Variants in R3HDM1 observed in about 807,000 individuals in gnomAD.
The protein encoded by R3HDM1 is R3H domain containing 1.
R3HDM1 carries 46 observed loss-of-function variants against 141.1 expected under a neutral mutation model. That is an observed-to-expected ratio of 0.33 (90% CI 0.26 to 0.42). The LOEUF (loss-of-function observed/expected upper bound fraction) is 0.42. Among genes scored for constraint, R3HDM1 ranks in the 10% least tolerant of loss-of-function variants. R3HDM1 has a pLI of 1.00. For synonymous variants in R3HDM1, 435 were observed against 472.9 expected (o/e 0.92, Z 1.04); for missense variants, 1,184 against 1,368.3 (o/e 0.87, Z 2.12).
intron 18 of R3HDM1, among the ~76,000 whole-genome samples, chr2:135,656,151 TTCTCTG>T (rs2065863252): frequency 6.6e-6 from 1 of 152,042 alleles, no homozygotes; most frequent in Non-Finnish European, 1.5e-5. Context: ...ACATACATTT[TTCTCTG>T]TCTCTAATAG....
At chr2:135,538,378 C>A (rs1324432186) in intron 1 of R3HDM1, among the ~76,000 whole-genome samples, 1 of 152,030 alleles carries the variant, frequency 6.6e-6, no homozygotes, top group Admixed American at 6.5e-5. Flanking sequence ...TAATTGTACA[C>A]CATTGTAAAC....
At chr2:135,595,452 ACT>A (rs934900439) in intron 1 of R3HDM1, among the ~76,000 whole-genome samples, 100 of 152,156 alleles carry the variant, frequency 6.6e-4, no homozygotes, top group African/African-American at 2.3e-3. Flanking sequence ...TCATATCTTA[ACT>A]CTACCCCTTA....
intron 19 of R3HDM1, among the ~76,000 whole-genome samples, chr2:135,672,265 C>G (rs920607863): frequency 6.6e-6 from 1 of 152,164 alleles, no homozygotes; most frequent in Admixed American, 6.5e-5. Context: ...TCTAGAACTT[C>G]CTGGTAGTTC....
At chr2:135,591,860 A>G (rs1709355313) in intron 1 of R3HDM1, among the ~76,000 whole-genome samples, 1 of 152,222 alleles carries the variant, frequency 6.6e-6, no homozygotes, top group Non-Finnish European at 1.5e-5. Flanking sequence ...ACACAGGGTA[A>G]GGTCTAGGTG....
chr2:135,621,768 AAC>A, intron 6 of R3HDM1, 160 bp downstream of exon 6: 17 of 973,416 alleles, frequency 1.7e-5, no homozygotes, highest in Non-Finnish European at 2.0e-5. Flanking sequence ...AAAATGGTTT[AAC>A]ACAGTTCCAT....
intron 21 of R3HDM1, among the ~76,000 whole-genome samples, chr2:135,707,531 A>G (rs527947081): frequency 6.6e-6 from 1 of 152,340 alleles, no homozygotes; most frequent in Admixed American, 6.5e-5. Context: ...TTTGTAATTT[A>G]GTAGAGTATG....
chr2:135,531,696 C>T, intron 1 of R3HDM1, 63 bp downstream of exon 1: 1 of 986,182 alleles, frequency 1.0e-6, no homozygotes, highest in Non-Finnish European at 1.2e-6. Flanking sequence ...GCTCCCCTCC[C>T]CCGCCCGCCA....
In R3HDM1 at chr2:135,622,724, C is replaced by A; in HGVS notation, c.489C>A (p.Asn163Lys). The A allele has an allele frequency of 1.3e-6, 2 of 1,581,550 alleles. No homozygotes were observed. The highest frequency in any genetic ancestry group is 1.7e-6 in the Non-Finnish European group (2 of 1,157,986). Residue 163 changes from asparagine (N) to lysine (K), a missense_variant, in exon 7 of 27, where the codon AAC (asparagine) becomes AAA (lysine). This residue lies in a region of R3HDM1 where 192 missense variants were observed against 215.7 expected (regional missense o/e 0.89). Transcript: ENST00000683871. Reference sequence around the variant, plus strand: ...AATTTTTAGTAAATACATTAAAAAACAATCCCAGGTAAAAATTAAATTTAT... The same window carrying A: ...AATTTTTAGTAAATACATTAAAAAAAAATCCCAGGTAAAAATTAAATTTAT... ...LHEFLVNTLK[N>K]NPRDRMMLLK...
rs76231903 is a variant in R3HDM1 at position 135,626,353 on chromosome 2, C to T, written c.497+3621C>T. Among the ~76,000 whole-genome samples, 987 of 152,092 alleles carry T rather than the reference C, an allele frequency of 6.5e-3. 4 individuals are homozygous for T. Among genetic ancestry groups the T allele is most frequent in the South Asian group, 0.022 (108 of 4,810 alleles). ...GGGAAAACATGATTAAAGAGGTTTT[C>T]CAAAACAAGTACCAAAAATAATTTG... is the stretch of plus-strand genomic sequence containing the variant. On this transcript the variant is annotated intron_variant, in intron 7 of 26. Coordinates refer to ENST00000683871, the MANE Select transcript of R3HDM1 (RefSeq NM_001378107.1).
intron 1 of R3HDM1, among the ~76,000 whole-genome samples, chr2:135,570,547 T>G (rs1216501390): frequency 1.3e-5 from 2 of 152,310 alleles, no homozygotes; most frequent in Non-Finnish European, 2.9e-5. Context: ...AAAGAAGAAC[T>G]TTTTTGGAAA....
Position 135,631,755 on chromosome 2 carries a change from T to G in R3HDM1, c.535T>G (p.Leu179Val). 1 of 1,569,084 alleles carries G rather than the reference T, an allele frequency of 6.4e-7. No homozygotes were observed. The highest frequency in any genetic ancestry group is 2.3e-5 in the East Asian group (1 of 43,364). ...GCTGCTGAAATTGGAACAAGAAATT[T>G]TAGATTTCATTGGTAATAATGAGTA... The part of the protein sequence containing the change: ...MMLLKLEQEI[L>V]DFIGNNESPR... The change falls in exon 8 of 27, where the codon TTA (leucine) becomes GTA (valine). Residue 179 changes from leucine (L) to valine (V), a missense_variant. Physicochemically the swap from Leu to Val is conservative, Grantham distance 32. This residue lies in a region of R3HDM1 where 192 missense variants were observed against 215.7 expected (regional missense o/e 0.89). Coordinates refer to ENST00000683871, the MANE Select transcript of R3HDM1 (RefSeq NM_001378107.1).
intron 1 of R3HDM1, among the ~76,000 whole-genome samples, chr2:135,549,575 A>AC (rs971523124): frequency 2.4e-4 from 36 of 151,352 alleles, no homozygotes; most frequent in Admixed American, 2.0e-3. Flanking sequence ...AAAAAAAAAA[A>AC]AAAAAACAAA....
intron 16 of R3HDM1, among the ~76,000 whole-genome samples, chr2:135,646,791 C>T (rs562105130): frequency 6.7e-6 from 1 of 148,586 alleles, no homozygotes; most frequent in South Asian, 2.1e-4. Flanking sequence ...TGCAGTGAGC[C>T]GAGATCAGGC....
chr2:135,636,034 A>C (rs773294872), intron 10 of R3HDM1, 36 bp downstream of exon 10: 2 of 1,610,664 alleles, frequency 1.2e-6, no homozygotes, highest in South Asian at 1.1e-5. Flanking sequence ...GTATAGGTGC[A>C]AGACATACTA....
chr2:135,614,344 A>G (rs954864438), intron 3 of R3HDM1, among the ~76,000 whole-genome samples: 7 of 152,082 alleles, frequency 4.6e-5, no homozygotes, highest in African/African-American at 1.2e-4. Flanking sequence ...ATTTTTCTTA[A>G]TCTCATTGCT....
intron 20 of R3HDM1, among the ~76,000 whole-genome samples, chr2:135,679,256 G>C (rs1268672826): frequency 6.6e-6 from 1 of 151,810 alleles, no homozygotes; most frequent in Non-Finnish European, 1.5e-5. Context: ...AATTGTGTTC[G>C]TGTGATTTCA....
At chr2:135,654,468 T>C (rs1490096914) in intron 18 of R3HDM1, among the ~76,000 whole-genome samples, 2 of 150,444 alleles carry the variant, frequency 1.3e-5, no homozygotes, top group Non-Finnish European at 3.0e-5. Flanking sequence ...TTGTTGTTGT[T>C]GAGACAGAGT....
chr2:135,558,600 A>G (rs1433696959), intron 1 of R3HDM1, among the ~76,000 whole-genome samples: 1 of 152,226 alleles, frequency 6.6e-6, no homozygotes, highest in Non-Finnish European at 1.5e-5. Flanking sequence ...TTATATCACT[A>G]CCTTAGAATG....
At chr2:135,568,212 A>G (rs1025034229) in intron 1 of R3HDM1, among the ~76,000 whole-genome samples, 1 of 151,422 alleles carries the variant, frequency 6.6e-6, no homozygotes, top group African/African-American at 2.4e-5. Flanking sequence ...ACATGCCACC[A>G]TGTCCACTAA....
Sources: gnomAD v4.1 joint callset for allele counts (sites outside exome capture counted in the v4.1 genomes callset) on GRCh38, gnomAD v4.1.1 for gene constraint, gnomAD v4.1.1 regional missense constraint, MANE v1.5 for transcripts, NCBI Gene and HGNC (gene_info 2026-07-23, HGNC 2026-07-21) for gene names.